INTS15: variants seen among roughly 807,000 people sequenced by gnomAD.
The protein encoded by INTS15 is integrator complex subunit 15, also known as uncharacterized protein C7orf26.
chr7:6,597,156 C>T, the INTS15 span, among the ~76,000 whole-genome samples: 21 of 152,292 alleles, frequency 1.4e-4, no homozygotes, highest in East Asian at 3.9e-4. Context: ...AGCAGGGCCA[C>T]GCTGCTGCAG....
the INTS15 span, among the ~76,000 whole-genome samples, chr7:6,601,587 C>T: frequency 6.6e-6 from 1 of 151,926 alleles, no homozygotes; most frequent in East Asian, 1.9e-4. Context: ...TGAGCCACTG[C>T]ACCCAGCCAG....
chr7:6,607,118 TG>T, the INTS15 span, among the ~76,000 whole-genome samples: 1 of 148,082 alleles, frequency 6.8e-6, no homozygotes, highest in Non-Finnish European at 1.5e-5. The surrounding 1 kb of genome is among the most constrained non-coding windows in gnomAD (Gnocchi z 6.0). Context: ...CAGGGAGTTC[TG>T]GGGGGTTGGG....
chr7:6,590,976 C>T, the INTS15 span, among the ~76,000 whole-genome samples: 1 of 151,836 alleles, frequency 6.6e-6, no homozygotes, highest in Non-Finnish European at 1.5e-5. Context: ...GTAGCTGGGA[C>T]TCCAGGCGTG....
chr7:6,594,808 C>G, the INTS15 span, among the ~76,000 whole-genome samples: 3 of 152,064 alleles, frequency 2.0e-5, no homozygotes, highest in Admixed American at 1.3e-4. Flanking sequence ...GTAACCTCCC[C>G]CTCCCAGGTT....
the INTS15 span, among the ~76,000 whole-genome samples, chr7:6,606,125 CCTCTGCAGTA>C: frequency 2.6e-5 from 4 of 152,332 alleles, no homozygotes; most frequent in East Asian, 7.7e-4. Flanking sequence ...CGAAATTTGG[CCTCTGCAGTA>C]CTCTGCAGTA....
the INTS15 span, among the ~76,000 whole-genome samples, chr7:6,591,026 A>G: frequency 6.6e-6 from 1 of 151,466 alleles, no homozygotes; most frequent in Non-Finnish European, 1.5e-5. Context: ...TTTTGTAGAG[A>G]TGGGGCCTCC....
chr7:6,608,342 G>C, the INTS15 span: 222 of 1,426,608 alleles, frequency 1.6e-4, 2 homozygotes, highest in African/African-American at 2.5e-3. Flanking sequence ...TTGACATGCA[G>C]ATTGGATGGT....
chr7:6,603,998 TA>T, the INTS15 span, among the ~76,000 whole-genome samples: 1,879 of 146,572 alleles, frequency 0.013, 44 homozygotes, highest in African/African-American at 0.043. Context: ...CCCTGTCTCT[TA>T]AAAAAAAAAA....
the INTS15 span, chr7:6,590,599 G>T: frequency 1.4e-6 from 2 of 1,394,904 alleles, no homozygotes; most frequent in Non-Finnish European, 9.3e-7. Flanking sequence ...CTCGCGCTCG[G>T]CCTCGCTCCT....
At chr7:6,600,538 G>A in the INTS15 span, among the ~76,000 whole-genome samples, 18 of 152,134 alleles carry the variant, frequency 1.2e-4, no homozygotes, top group Admixed American at 1.3e-4. Flanking sequence ...TGCTCACCCC[G>A]TCAGGGTCCT....
the INTS15 span, chr7:6,590,181 C>G: frequency 9.1e-7 from 1 of 1,093,304 alleles, no homozygotes; most frequent in Non-Finnish European, 1.2e-6. Context: ...GTGCCGCAGC[C>G]CAGGCCCGGG....
At chr7:6,607,838 TG>T in the INTS15 span, 1 of 1,515,466 alleles carries the variant, frequency 6.6e-7, no homozygotes, top group Non-Finnish European at 8.8e-7. The surrounding 1 kb of genome is among the most constrained non-coding windows in gnomAD (Gnocchi z 6.0). Context: ...GACCCCCGGG[TG>T]GTCCGTGCCT....
At chr7:6,605,724 A>C in the INTS15 span, among the ~76,000 whole-genome samples, 891 of 152,152 alleles carry the variant, frequency 5.9e-3, 7 homozygotes, top group African/African-American at 0.019. Flanking sequence ...TTTGAGACAG[A>C]GTCTCGCTCT....
chr7:6,605,978 TGTGAGC>T, the INTS15 span, among the ~76,000 whole-genome samples: 1 of 151,678 alleles, frequency 6.6e-6, no homozygotes, highest in South Asian at 2.1e-4. Context: ...GGATTACAGG[TGTGAGC>T]CACCACGCCT....
At chr7:6,607,505 G>C in the INTS15 span, 1 of 1,303,906 alleles carries the variant, frequency 7.7e-7, no homozygotes, top group South Asian at 1.2e-5. The surrounding 1 kb of genome is among the most constrained non-coding windows in gnomAD (Gnocchi z 6.0). Context: ...CCGTCCCCGA[G>C]GGGGCCGCAC....
At chr7:6,595,742 TGCAGTCATAGGTCACTGTA>T in the INTS15 span, among the ~76,000 whole-genome samples, 1 of 152,146 alleles carries the variant, frequency 6.6e-6, no homozygotes, top group Non-Finnish European at 1.5e-5. Context: ...AATACGGTGG[TGCAGTCATAGGTCACTGTA>T]GCCTCAAAAC....
the INTS15 span, among the ~76,000 whole-genome samples, chr7:6,603,297 C>T: frequency 7.2e-5 from 11 of 151,976 alleles, no homozygotes; most frequent in Non-Finnish European, 1.2e-4. Context: ...CCTGTAATCC[C>T]AGCACTTTGG....
At chr7:6,602,634 AT>A in the INTS15 span, 3,585 of 467,450 alleles carry the variant, frequency 7.7e-3, 114 homozygotes, top group African/African-American at 0.063. Flanking sequence ...CCGTTGTAAA[AT>A]GGGGGTGATA....
the INTS15 span, among the ~76,000 whole-genome samples, chr7:6,606,296 G>A: frequency 2.0e-5 from 3 of 152,218 alleles, no homozygotes; most frequent in African/African-American, 4.8e-5. Flanking sequence ...AGCCCCTCCT[G>A]GGGGCCCTGG....
Sources: allele counts gnomAD v4.1 joint callset (sites outside exome capture counted in the v4.1 genomes callset), GRCh38; gene constraint gnomAD v4.1.1; non-coding constraint Gnocchi (gnomAD v3.1); transcripts MANE v1.5; gene names NCBI Gene and HGNC (gene_info 2026-07-23, HGNC 2026-07-21).